CTDSPL: variants seen among roughly 807,000 people sequenced by gnomAD.
CTDSPL encodes the protein CTD small phosphatase like.
In CTDSPL, 8 loss-of-function variants were observed where a neutral mutation model predicts 30.5. The observed-to-expected ratio is 0.26, with a 90% CI of 0.15 to 0.47. The LOEUF (loss-of-function observed/expected upper bound fraction) is 0.47, where lower values mean the gene tolerates loss of function less well. Ranked by LOEUF, CTDSPL falls within the 20% of genes least tolerant of loss-of-function variation. CTDSPL has a pLI of 0.99. For synonymous variants in CTDSPL, 110 were observed against 137.9 expected, an observed-to-expected ratio of 0.80 and a Z score of 1.42; for missense variants, 248 against 366.1, an observed-to-expected ratio of 0.68 and a Z score of 2.63.
rs1452817476 is a variant in CTDSPL at position 37,971,511 on chromosome 3, T to C, written c.519+12T>C. 1 of 1,612,192 alleles carries C rather than the reference T, an allele frequency of 6.2e-7. No homozygotes were observed. Among genetic ancestry groups the C allele is most frequent in the Non-Finnish European group, 8.5e-7 (1 of 1,178,624 alleles). On this transcript the variant is annotated intron_variant, in intron 6 of 7. Transcript: ENST00000273179. Reference sequence around the variant, plus strand: ...CCAGCTTGGCCAAGGTGAGTCCTGCTTCCCAGCCCCACACTCCCAGCCTGG... The same window carrying C: ...CCAGCTTGGCCAAGGTGAGTCCTGCCTCCCAGCCCCACACTCCCAGCCTGG...
At chr3:37,871,174 C>T (rs1575274930) in intron 1 of CTDSPL, among the ~76,000 whole-genome samples, 2 of 152,146 alleles carry the variant, frequency 1.3e-5, no homozygotes, top group Admixed American at 1.3e-4. Context: ...CATAGATTTG[C>T]CTTTTCTAGA....
rs544334908 is a variant in CTDSPL, at chr3:37,975,578, A to G, written c.520-131A>G. ...TCTTATGTACACGGAGAGGAAAATA[A>G]CCAGGATCCTAAGACACATCTAATT... is the stretch of plus-strand genomic sequence containing the variant. On this transcript the variant is annotated intron_variant, in intron 6 of 7. Transcript: ENST00000273179. This position sits in a 1 kb window ranked among gnomAD's most constrained non-coding sequence, Gnocchi z 4.9. 13 of 751,922 alleles carry G rather than the reference A, an allele frequency of 1.7e-5. 1 individual carries two copies. In the South Asian group the frequency reaches 2.8e-4, roughly 16 times the overall value. 46.6% of individuals were successfully genotyped at this position (751,922 alleles called of 1,614,324 possible). A position where few individuals can be genotyped will look rare whatever the true frequency, so the allele number is the denominator to read the frequency against.
intron 1 of CTDSPL, among the ~76,000 whole-genome samples, chr3:37,867,336 A>G (rs557344173): frequency 6.6e-6 from 1 of 152,238 alleles, no homozygotes; most frequent in South Asian, 2.1e-4. Context: ...TGGATATACC[A>G]CAGTTTGTTT....
chr3:37,951,887 A>G (rs998656214), intron 2 of CTDSPL, among the ~76,000 whole-genome samples: 3 of 152,250 alleles, frequency 2.0e-5, no homozygotes, highest in African/African-American at 4.8e-5. Flanking sequence ...AATAATAGTC[A>G]TAAAACCTAG....
At chr3:37,900,891 C>T (rs922394635) in intron 1 of CTDSPL, among the ~76,000 whole-genome samples, 1 of 152,144 alleles carries the variant, frequency 6.6e-6, no homozygotes, top group African/African-American at 2.4e-5. Context: ...CTCCGTCTCC[C>T]AATTCAAGCA....
At chr3:37,906,099 T>C (rs1411569840) in intron 1 of CTDSPL, among the ~76,000 whole-genome samples, 1 of 152,142 alleles carries the variant, frequency 6.6e-6, no homozygotes, top group African/African-American at 2.4e-5. Flanking sequence ...CCACATCTAC[T>C]CTCTGTCCTA....
chr3:37,960,749 A>G (rs1033988922), intron 3 of CTDSPL, among the ~76,000 whole-genome samples: 1 of 151,546 alleles, frequency 6.6e-6, no homozygotes, highest in Non-Finnish European at 1.5e-5. Context: ...ACAAAACAAA[A>G]CAAAGATTGG....
chr3:37,946,999 A>G, intron 1 of CTDSPL, 58 bp from the exon 2 acceptor site: 1 of 1,546,714 alleles, frequency 6.5e-7, no homozygotes, highest in Non-Finnish European at 8.8e-7. Context: ...TTTGCATTAT[A>G]TTACAACTAT....
intron 4 of CTDSPL, among the ~76,000 whole-genome samples, chr3:37,966,815 A>T (rs1248352683): frequency 6.6e-6 from 1 of 152,126 alleles, no homozygotes; most frequent in African/African-American, 2.4e-5. Flanking sequence ...GTCTGACCAG[A>T]TGCTGTACCC....
chr3:37,967,925 T>C (rs763336209), intron 5 of CTDSPL, 43 bp downstream of exon 5: 2 of 1,316,564 alleles, frequency 1.5e-6, no homozygotes, highest in Non-Finnish European at 2.1e-6. Flanking sequence ...TAAGATTTTT[T>C]AGTACTTACA....
chr3:37,894,986 A>G (rs1210963926), intron 1 of CTDSPL, among the ~76,000 whole-genome samples: 1 of 152,174 alleles, frequency 6.6e-6, no homozygotes, highest in Non-Finnish European at 1.5e-5. Flanking sequence ...TATAATAGCT[A>G]TTTTAAAAAA....
At chr3:37,947,733 C>G (rs1451116123) in intron 2 of CTDSPL, among the ~76,000 whole-genome samples, 1 of 152,156 alleles carries the variant, frequency 6.6e-6, no homozygotes, top group Non-Finnish European at 1.5e-5. Flanking sequence ...TTATAACATT[C>G]TCTCTTGGGA....
intron 7 of CTDSPL, among the ~76,000 whole-genome samples, chr3:37,978,873 C>T (rs1699458141): frequency 6.6e-6 from 1 of 152,170 alleles, no homozygotes; most frequent in Non-Finnish European, 1.5e-5. Context: ...TACTACAGGG[C>T]AGAGCTAAAA....
At chr3:37,923,338 AC>A (rs1158206942) in intron 1 of CTDSPL, among the ~76,000 whole-genome samples, 1 of 152,010 alleles carries the variant, frequency 6.6e-6, no homozygotes, top group Non-Finnish European at 1.5e-5. Flanking sequence ...CTTTTGGGAA[AC>A]CCTGAAAATG....
chr3:37,953,211 A>C (rs1298815808), intron 2 of CTDSPL, among the ~76,000 whole-genome samples: 1 of 152,222 alleles, frequency 6.6e-6, no homozygotes, highest in Admixed American at 6.5e-5. Context: ...TTGTGTGCTT[A>C]GTAGCCACAT....
At chr3:37,897,204 G>A (rs1698398910) in intron 1 of CTDSPL, among the ~76,000 whole-genome samples, 1 of 152,154 alleles carries the variant, frequency 6.6e-6, no homozygotes, top group South Asian at 2.1e-4. Context: ...CTGTTGCTGT[G>A]TGGTGATGTT....
At chr3:37,873,713 A>T (rs923751739) in intron 1 of CTDSPL, among the ~76,000 whole-genome samples, 4 of 152,210 alleles carry the variant, frequency 2.6e-5, no homozygotes, top group African/African-American at 9.7e-5. Flanking sequence ...TTAAAGGTTT[A>T]TTTCAATATT....
At chr3:37,922,109 C>A (rs1341167418) in intron 1 of CTDSPL, among the ~76,000 whole-genome samples, 3 of 151,606 alleles carry the variant, frequency 2.0e-5, no homozygotes, top group African/African-American at 7.3e-5. Flanking sequence ...GTGCTGCATG[C>A]CTATAATCCC....
chr3:37,890,089 G>T (rs1698307303), intron 1 of CTDSPL, among the ~76,000 whole-genome samples: 5 of 152,204 alleles, frequency 3.3e-5, no homozygotes, highest in African/African-American at 1.2e-4. Flanking sequence ...GCCATGAGAA[G>T]CCCAGTGGTG....
Sources: allele counts gnomAD v4.1 joint callset (sites outside exome capture counted in the v4.1 genomes callset), GRCh38; gene constraint gnomAD v4.1.1; non-coding constraint Gnocchi (gnomAD v3.1); transcripts MANE v1.5; gene names NCBI Gene and HGNC (gene_info 2026-07-23, HGNC 2026-07-21).